Variants in NCKAP5 observed in about 807,000 individuals in gnomAD.
The protein encoded by NCKAP5 is NCK associated protein 5, also known as nck-associated protein 5.
Under a neutral mutation model 167.0 loss-of-function variants are expected in NCKAP5, and 92 were observed. The ratio of observed to expected loss-of-function variants is 0.55; its 90% CI spans 0.47 to 0.66. The LOEUF is 0.66. Ranked by LOEUF, NCKAP5 falls within the 30% of genes least tolerant of loss-of-function variation. The pLI, the probability that NCKAP5 is intolerant of heterozygous loss-of-function variation, is 0.00. For synonymous variants in NCKAP5, 891 were observed against 877.4 expected (o/e 1.02, Z -0.27); for missense variants, 2,378 against 2,315.0 (o/e 1.03, Z -0.56).
intron 19 of NCKAP5, among the ~76,000 whole-genome samples, chr2:132,713,896 C>T (rs1413740363): frequency 6.6e-6 from 1 of 152,166 alleles, no homozygotes; most frequent in African/African-American, 2.4e-5. Context: ...GGAAGGGATG[C>T]TATCTCCTTT....
At chr2:133,075,292 T>A (rs1448550050) in intron 6 of NCKAP5, among the ~76,000 whole-genome samples, 2 of 152,006 alleles carry the variant, frequency 1.3e-5, no homozygotes, top group South Asian at 4.1e-4. Flanking sequence ...AAATGTAAAA[T>A]AAAGAGATTA....
chr2:133,474,146 ATCTATC>A (rs1351881836), intron 3 of NCKAP5, among the ~76,000 whole-genome samples: 7 of 147,038 alleles, frequency 4.8e-5, no homozygotes, highest in South Asian at 2.1e-4. Context: ...CTATCTATCT[ATCTATC>A]TATACACACA....
chr2:132,926,937 T>A (rs917971157), intron 8 of NCKAP5, among the ~76,000 whole-genome samples: 3 of 152,156 alleles, frequency 2.0e-5, no homozygotes, highest in Admixed American at 1.3e-4. Context: ...TAATCGAGAA[T>A]TATTTGAGTA....
At chr2:133,440,665 G>GCGCCACTGCA (rs1191954876) in intron 3 of NCKAP5, among the ~76,000 whole-genome samples, 2 of 139,776 alleles carry the variant, frequency 1.4e-5, no homozygotes, top group African/African-American at 5.5e-5. Flanking sequence ...AGCAGAGATG[G>GCGCCACTGCA]CGCCACTGCA....
At position 133,179,091 on chromosome 2, in the gene NCKAP5, C is replaced by G. The variant is rs149994456; in HGVS notation, c.207+34625G>C. Among the ~76,000 whole-genome samples the G allele has an allele frequency of 6.8e-3, 1,039 of 152,240 alleles. 13 individuals carry two copies. The highest frequency in any genetic ancestry group is 0.024 in the African/African-American group (986 of 41,546). ...GCTGAGGTGGGAGGATGCCACTGCA[C>G]TCTAGGCTGGGTGGCAAAGCCACAC... On this transcript the variant is annotated intron_variant, in intron 5 of 19. Transcript: ENST00000409261.
At position 133,289,608 on chromosome 2, in the gene NCKAP5, T is replaced by C. The variant is rs936994710; in HGVS notation, c.143+13429A>G. ...AGTACAAAAATTAGCTGGAAATTGCTTGAACCCAGGAGGTGAAGGTTGCAG... is the reference window on the plus strand; with the variant it reads ...AGTACAAAAATTAGCTGGAAATTGCCTGAACCCAGGAGGTGAAGGTTGCAG... On this transcript the variant is annotated intron_variant, in intron 4 of 19. Coordinates refer to ENST00000409261, the MANE Select transcript of NCKAP5 (RefSeq NM_207363.3). Among the ~76,000 whole-genome samples the C allele has an allele frequency of 7.9e-5, 12 of 151,994 alleles. No individual in the cohort carries two copies. The East Asian group carries it at 2.3e-3, about 29-fold the overall frequency.
intron 7 of NCKAP5, among the ~76,000 whole-genome samples, chr2:132,978,771 G>C (rs566962940): frequency 6.6e-6 from 1 of 152,126 alleles, no homozygotes; most frequent in African/African-American, 2.4e-5. Context: ...TCTCTGAAGC[G>C]GTCCTCGTCT....
intron 8 of NCKAP5, among the ~76,000 whole-genome samples, chr2:132,948,137 T>C (rs891021656): frequency 2.6e-5 from 4 of 152,174 alleles, no homozygotes; most frequent in Non-Finnish European, 5.9e-5. Flanking sequence ...TGACAGTTTT[T>C]TTTATCTAGC....
intron 6 of NCKAP5, among the ~76,000 whole-genome samples, chr2:133,064,224 A>G (rs1210778128): frequency 6.6e-6 from 1 of 152,268 alleles, no homozygotes; most frequent in Non-Finnish European, 1.5e-5. Flanking sequence ...ACAAAACTGT[A>G]TATAAACAAA....
chr2:133,624,896 A>C, the NCKAP5 span, among the ~76,000 whole-genome samples: 2 of 152,242 alleles, frequency 1.3e-5, no homozygotes, highest in African/African-American at 2.4e-5. Context: ...AAGAAGAAAA[A>C]GCTTTACAGA....
At chr2:133,129,252 C>A (rs182360438) in intron 6 of NCKAP5, among the ~76,000 whole-genome samples, 5 of 152,020 alleles carry the variant, frequency 3.3e-5, no homozygotes, top group Admixed American at 1.3e-4. Context: ...CCGCTCCCCC[C>A]ACCCCACAAC....
At chr2:132,895,117 G>T (rs533901415) in intron 8 of NCKAP5, among the ~76,000 whole-genome samples, 108 of 152,064 alleles carry the variant, frequency 7.1e-4, no homozygotes, top group African/African-American at 2.4e-3. Flanking sequence ...GGATCACAAG[G>T]TCAGGAGATG....
At chr2:132,846,099 T>C (rs2105451289) in intron 11 of NCKAP5, among the ~76,000 whole-genome samples, 1 of 152,278 alleles carries the variant, frequency 6.6e-6, no homozygotes, top group African/African-American at 2.4e-5. Context: ...ATAAGAAATA[T>C]ATCGGCTCTT....
chr2:133,542,447 T>C (rs1430197206), intron 2 of NCKAP5, among the ~76,000 whole-genome samples: 1 of 152,174 alleles, frequency 6.6e-6, no homozygotes, highest in Non-Finnish European at 1.5e-5. Context: ...ATCATTTGCT[T>C]CAGGTAAACG....
At chr2:133,465,927 A>G (rs1247256610) in intron 3 of NCKAP5, among the ~76,000 whole-genome samples, 1 of 148,510 alleles carries the variant, frequency 6.7e-6, no homozygotes, top group South Asian at 2.2e-4. Flanking sequence ...TCAGATGAGT[A>G]GGTTGCGAAA....
chr2:132,839,757 CAAAA>C (rs59000613), intron 11 of NCKAP5, among the ~76,000 whole-genome samples: 7 of 63,080 alleles, frequency 1.1e-4, no homozygotes, highest in South Asian at 7.6e-4. Context: ...GACCTTGTCT[CAAAA>C]AAAAAAAAAA....
At chr2:132,717,307 C>G (rs757709903) in intron 19 of NCKAP5, among the ~76,000 whole-genome samples, 10 of 152,166 alleles carry the variant, frequency 6.6e-5, no homozygotes, top group Non-Finnish European at 1.0e-4. Flanking sequence ...TAACTCTTAC[C>G]TGTAGTGTCC....
chr2:132,811,210 T>G (rs1685837991), intron 11 of NCKAP5, among the ~76,000 whole-genome samples: 1 of 152,148 alleles, frequency 6.6e-6, no homozygotes, highest in South Asian at 2.1e-4. Flanking sequence ...TCCTTGGCTT[T>G]GGTGGCTTAA....
At chr2:133,100,835 C>T (rs1225021742) in intron 6 of NCKAP5, among the ~76,000 whole-genome samples, 1 of 151,810 alleles carries the variant, frequency 6.6e-6, no homozygotes, top group African/African-American at 2.4e-5. Flanking sequence ...TTATAGTTAC[C>T]TTTTTAAAAT....
Sources: gnomAD v4.1 joint callset for allele counts (sites outside exome capture counted in the v4.1 genomes callset) on GRCh38, gnomAD v4.1.1 for gene constraint, MANE v1.5 for transcripts, NCBI Gene and HGNC (gene_info 2026-07-23, HGNC 2026-07-21) for gene names.